The following NCOA3 variants were observed in gnomAD, a reference collection of about 807,000 sequenced individuals.
NCOA3 encodes the protein CBP-interacting protein.
In NCOA3, 51 loss-of-function variants were observed where a neutral mutation model predicts 158.8. The observed-to-expected ratio is 0.32, with a 90% CI of 0.26 to 0.41. NCOA3 has a LOEUF of 0.41. Ranked by LOEUF, NCOA3 falls within the 10% of genes least tolerant of loss-of-function variation. NCOA3 has a pLI of 1.00. For synonymous variants in NCOA3, 537 were observed against 592.4 expected, an observed-to-expected ratio of 0.91 and a Z score of 1.36; for missense variants, 1,510 against 1,746.6, an observed-to-expected ratio of 0.86 and a Z score of 2.41.
At chr20:47,504,362 C>T (rs958706637) in intron 1 of NCOA3, among the ~76,000 whole-genome samples, 2 of 151,454 alleles carry the variant, frequency 1.3e-5, no homozygotes, top group African/African-American at 2.4e-5. Context: ...TTTTTCTAGG[C>T]GATATGCAAA....
intron 2 of NCOA3, among the ~76,000 whole-genome samples, chr20:47,597,829 C>T (rs1227644968): frequency 6.6e-6 from 1 of 151,988 alleles, no homozygotes; most frequent in African/African-American, 2.4e-5. Context: ...TTTTATCTCT[C>T]TGCTTACATT....
At chr20:47,519,782 TGA>T (rs1394841049) in intron 1 of NCOA3, among the ~76,000 whole-genome samples, 49 of 152,002 alleles carry the variant, frequency 3.2e-4, no homozygotes, top group Admixed American at 2.6e-3. Flanking sequence ...TTTTTTTTTT[TGA>T]GAGAGTCTCG....
At chr20:47,517,452 T>C (rs1187446757) in intron 1 of NCOA3, among the ~76,000 whole-genome samples, 3 of 118,370 alleles carry the variant, frequency 2.5e-5, no homozygotes, top group African/African-American at 1.6e-4. Context: ...TTTCTTTTTC[T>C]TTTTTTTTTT....
chr20:47,591,853 T>C (rs2146240302), intron 2 of NCOA3, among the ~76,000 whole-genome samples: 1 of 152,292 alleles, frequency 6.6e-6, no homozygotes, highest in South Asian at 2.1e-4. Context: ...TAAAATAGTT[T>C]GACTATGTAT....
rs763863511 is a variant in NCOA3, at chr20:47,648,474, A to T, written c.3547-531A>T. ...TATTGTGTGTGTGTATATATATATA[A>T]AATTTATTTATTTATTATTATTTTT... On this transcript the variant is annotated intron_variant, in intron 18 of 22. Transcript: ENST00000371998. 5.9e-5 allele frequency among the ~76,000 whole-genome samples: 9 copies of T among 151,826 alleles called. No homozygotes were observed. The South Asian group carries it at 1.0e-3, about 18-fold the overall frequency.
At chr20:47,628,182 C>A (rs967575904) in intron 8 of NCOA3, among the ~76,000 whole-genome samples, 159 bp downstream of exon 8, 3 of 151,634 alleles carry the variant, frequency 2.0e-5, no homozygotes, top group African/African-American at 7.3e-5. Flanking sequence ...GTTGCTTATG[C>A]AACCTTAAAA....
Position 47,641,490 on chromosome 20 carries a change from C to CTTTTTTTTTT in NCOA3, c.3081-704_3081-695dup, listed in dbSNP as rs71183270. Among the ~76,000 whole-genome samples, 363 of 48,370 alleles carry CTTTTTTTTTT rather than the reference C, an allele frequency of 7.5e-3. 40 individuals carry two copies. Among genetic ancestry groups the CTTTTTTTTTT allele is most frequent in the Non-Finnish European group, 9.2e-3 (260 of 28,256 alleles). 31.7% of individuals were successfully genotyped at this position (48,370 alleles called of 152,430 possible). A position where few individuals can be genotyped will look rare whatever the true frequency, so the allele number is the denominator to read the frequency against. ...GTCAGCCACCACGCCTGGCTCCCTT[C>CTTTTTTTTTT]TTTTTTTTTTTTTTTTTTTTTTTTT... On this transcript the variant is annotated intron_variant, in intron 16 of 22. Transcript: ENST00000371998.
intron 1 of NCOA3, among the ~76,000 whole-genome samples, chr20:47,511,318 G>T (rs1438471097): frequency 6.8e-6 from 1 of 147,808 alleles, no homozygotes; most frequent in Admixed American, 6.8e-5. Flanking sequence ...CATGATCATG[G>T]TTCACTGCAG....
intron 16 of NCOA3, among the ~76,000 whole-genome samples, chr20:47,641,521 GAC>G (rs1480560747): frequency 3.5e-5 from 2 of 57,194 alleles, no homozygotes; most frequent in African/African-American, 1.8e-4. Flanking sequence ...TTTTTTTTGA[GAC>G]AAAGTCTTGC....
At position 47,634,140 on chromosome 20, in the gene NCOA3, C is replaced by G. The variant is rs1260479063; in HGVS notation, c.1057C>G (p.Arg353Gly). ...VTAQTKSKLF[R>G]NPVTNDRHGF... is the part of the protein sequence containing the mutation. ...TGCACAGACAAAAAGCAAACTCTTC[C>G]GAAATCCTGTAACAAATGATCGACA... Residue 353 changes from arginine (R) to glycine (G), a missense_variant, in exon 10 of 23, where the codon CGA (arginine) becomes GGA (glycine). Around this residue, in one of 4 missense-constraint regions of NCOA3, gnomAD observed 1,017 missense variants for 1,098.3 expected, o/e 0.93. Transcript: ENST00000371998. The G allele has an allele frequency of 6.2e-7, 1 of 1,614,116 alleles. No homozygotes were observed. Among genetic ancestry groups the G allele is most frequent in the South Asian group, 1.1e-5 (1 of 91,084 alleles).
intron 16 of NCOA3, among the ~76,000 whole-genome samples, chr20:47,641,460 C>T (rs1360066550): frequency 7.2e-6 from 1 of 138,238 alleles, no homozygotes; most frequent in Non-Finnish European, 1.5e-5. Context: ...TCTGGGATTA[C>T]AGGTGTCAGC....
chr20:47,601,459 C>T (rs1243176486), intron 2 of NCOA3, among the ~76,000 whole-genome samples: 1 of 152,148 alleles, frequency 6.6e-6, no homozygotes, highest in African/African-American at 2.4e-5. Flanking sequence ...ACATGAAAAT[C>T]GTTAGATCGG....
chr20:47,645,690 TTAAAG>T (rs1267081419), intron 17 of NCOA3, among the ~76,000 whole-genome samples: 8 of 152,304 alleles, frequency 5.3e-5, no homozygotes, highest in South Asian at 4.1e-4. Flanking sequence ...CATGTTTAAC[TTAAAG>T]TATAGTTTGC....
At chr20:47,509,512 T>TA (rs2084081622) in intron 1 of NCOA3, among the ~76,000 whole-genome samples, 1 of 152,238 alleles carries the variant, frequency 6.6e-6, no homozygotes, top group African/African-American at 2.4e-5. Flanking sequence ...AAGCAAGTGT[T>TA]ACTTTCTTTA....
chr20:47,627,827 C>A lies in NCOA3; in HGVS notation c.721+78C>A, dbSNP rs1252383280. 4.4e-6 allele frequency: 7 copies of A among 1,575,286 alleles called. No individual in the cohort carries two copies. In the South Asian group the frequency reaches 5.6e-5, roughly 13 times the overall value. On this transcript the variant is annotated intron_variant, in intron 7 of 22. Transcript: ENST00000371998. ...TGGAGTTTTGAAACTTGTGTTGTAA[C>A]CCTTCTTACTGAATTCCATGTCTTT...
At chr20:47,525,866 T>TG (rs2084433079) in intron 1 of NCOA3, among the ~76,000 whole-genome samples, 1 of 7,788 alleles carries the variant, frequency 1.3e-4, no homozygotes, top group African/African-American at 3.6e-4. Flanking sequence ...ACTTCCCGGA[T>TG]GGGGCGGCTG....
intron 1 of NCOA3, among the ~76,000 whole-genome samples, chr20:47,579,761 T>G (rs777311052): frequency 7.2e-5 from 11 of 152,186 alleles, no homozygotes; most frequent in Non-Finnish European, 1.5e-4. Context: ...GTGTATGCAA[T>G]GGAAAGCTGA....
chr20:47,653,047 C>G lies in NCOA3; in HGVS notation c.4238C>G (p.Ser1413Cys). The G allele has an allele frequency of 6.2e-7, 1 of 1,614,194 alleles. No homozygotes were observed. The change falls in exon 22 of 23, where the codon TCT (serine) becomes TGT (cysteine). Residue 1413 changes from serine to cysteine, a missense_variant. Around this residue, in one of 4 missense-constraint regions of NCOA3, gnomAD observed 180 missense variants for 199.3 expected, o/e 0.90. Transcript: ENST00000371998. ...ATGAACATGAACCCCATGCCCATGT[C>G]TGGCATGCCTATGGGTCCTGATCAG... is the stretch of plus-strand genomic sequence containing the variant. ...GQMNMNPMPM[S>C]GMPMGPDQKY...
intron 5 of NCOA3, 25 bp downstream of exon 5, chr20:47,625,506 C>T (rs376766271): frequency 2.7e-6 from 4 of 1,469,254 alleles, no homozygotes; most frequent in Non-Finnish European, 3.8e-6. Flanking sequence ...TTTAACTGTC[C>T]AGTAGGCTGT....
Sources: gnomAD v4.1 joint callset for allele counts (sites outside exome capture counted in the v4.1 genomes callset) on GRCh38, gnomAD v4.1.1 for gene constraint, gnomAD v4.1.1 regional missense constraint, MANE v1.5 for transcripts, NCBI Gene and HGNC (gene_info 2026-07-23, HGNC 2026-07-21) for gene names.